Variants in TTBK1 observed in about 807,000 individuals in gnomAD.
TTBK1 encodes the protein tau tubulin kinase 1.
In TTBK1, 34 loss-of-function variants were observed where a neutral mutation model predicts 108.5. The observed-to-expected ratio is 0.31, with a 90% confidence interval of 0.24 to 0.42. TTBK1 has a LOEUF of 0.42. TTBK1 is among the 10% of genes least tolerant of loss of function. The pLI is 1.00. For missense variants in TTBK1, 1,539 were observed against 1,826.0 expected (o/e 0.84, Z 2.86); for synonymous variants, 809 against 795.1 (o/e 1.02, Z -0.29).
At chr6:43,271,681 G>A in intron 13 of TTBK1, 1 of 985,358 alleles carries the variant, frequency 1.0e-6, no homozygotes, top group Non-Finnish European at 1.2e-6. Flanking sequence ...GGCCACCATT[G>A]TGGTATGGCT....
rs1778385530 is a variant in TTBK1 at position 43,286,469 on chromosome 6, C to T, written c.*1093C>T. On this transcript the variant is annotated 3_prime_UTR_variant, in exon 15 of 15. Transcript: ENST00000259750. The surrounding 1 kb of genome is among the most constrained non-coding windows in gnomAD (Gnocchi z 4.6). Reference sequence around the variant, plus strand: ...GTTCTGGTGGGGTCACCCTCCCTGTCCTCCCGCCTGTGGGAGGGAGGGAGG... The same window carrying T: ...GTTCTGGTGGGGTCACCCTCCCTGTTCTCCCGCCTGTGGGAGGGAGGGAGG... 1 of 152,626 alleles carries T rather than the reference C, an allele frequency of 6.6e-6. No individual in the cohort carries two copies. Among genetic ancestry groups the T allele is most frequent in the South Asian group, 2.1e-4 (1 of 4,830 alleles). 9.5% of individuals were successfully genotyped at this position (152,626 alleles called of 1,614,324 possible).
intron 13 of TTBK1, among the ~76,000 whole-genome samples, chr6:43,278,619 C>T (rs1778070680): frequency 6.6e-6 from 1 of 152,118 alleles, no homozygotes; most frequent in Non-Finnish European, 1.5e-5. Flanking sequence ...AGGTTGCTGC[C>T]CTGAGAAGGA....
rs1337699708 is a variant in TTBK1, at chr6:43,273,919, C to T, written c.1987-8808C>T. On this transcript the variant is annotated intron_variant, in intron 13 of 14. Coordinates refer to ENST00000259750, the MANE Select transcript of TTBK1 (RefSeq NM_032538.3). This position sits in a 1 kb window ranked among gnomAD's most constrained non-coding sequence, Gnocchi z 4.2. ...TGTCCAGGGCTGCAGCACTCAAAGG[C>T]GACAGTGTTCTTGCCCAGGAACTCG... 6.6e-6 allele frequency among the ~76,000 whole-genome samples: 1 copy of T among 152,192 alleles called. No individual in the cohort carries two copies. The highest frequency in any genetic ancestry group is 2.4e-5 in the African/African-American group (1 of 41,454).
In TTBK1 at chr6:43,282,836, C is replaced by T. The variant is rs995548054; in HGVS notation, c.2096C>T (p.Ala699Val). The change falls in exon 14 of 15, where the codon GCG becomes GTG. Residue 699 changes from alanine to valine, a missense_variant. By Grantham distance (64) the Ala-to-Val change is moderately conservative (BLOSUM62 0). Transcript: ENST00000259750. This position sits in a 1 kb window ranked among gnomAD's most constrained non-coding sequence, Gnocchi z 5.4. ...GACCTCTCCGATTACCGAGAACGGG[C>T]GCGGTTGCTCAACAGGGTCCGGAGG... ...KRDLSDYRER[A>V]RLLNRVRRVG... 15 of 1,614,006 alleles carry T rather than the reference C, an allele frequency of 9.3e-6. No homozygotes were observed. The highest frequency in any genetic ancestry group is 4.0e-5 in the African/African-American group (3 of 74,964).
At chr6:43,271,286 G>A (rs747040628) in intron 13 of TTBK1, 905 of 985,362 alleles carry the variant, frequency 9.2e-4, no homozygotes, top group Non-Finnish European at 1.0e-3. Context: ...GCATAAGAGT[G>A]TGCTTACGAA....
chr6:43,268,931 G>A (rs770453245), intron 13 of TTBK1, among the ~76,000 whole-genome samples: 57 of 152,330 alleles, frequency 3.7e-4, no homozygotes, highest in South Asian at 8.3e-4. Context: ...GCTGTTCCAA[G>A]TACTGCACAT....
At chr6:43,275,011 G>A (rs972982326) in intron 13 of TTBK1, among the ~76,000 whole-genome samples, 1 of 152,136 alleles carries the variant, frequency 6.6e-6, no homozygotes, top group Non-Finnish European at 1.5e-5. Context: ...GGCTGTGGGG[G>A]TGCGGGCAGT....
chr6:43,260,683 G>C (rs1389270059), intron 12 of TTBK1, among the ~76,000 whole-genome samples: 1 of 152,176 alleles, frequency 6.6e-6, no homozygotes, highest in East Asian at 1.9e-4. Context: ...GAAATGCCTT[G>C]AATGAGACAG....
Position 43,286,284 on chromosome 6 carries a change from T to A in TTBK1, c.*908T>A, listed in dbSNP as rs921975807. ...TACTCCCTCCCCTGTTCCCCTGATC[T>A]AGTGCTCAGGACCCTTCACCATCAG... On this transcript the variant is annotated 3_prime_UTR_variant, in exon 15 of 15. Coordinates refer to ENST00000259750, the MANE Select transcript of TTBK1 (RefSeq NM_032538.3). The surrounding 1 kb of genome is among the most constrained non-coding windows in gnomAD (Gnocchi z 4.6). 3 of 152,676 alleles carry A rather than the reference T, an allele frequency of 2.0e-5. No individual in the cohort carries two copies. The highest frequency in any genetic ancestry group is 2.9e-5 in the Non-Finnish European group (2 of 68,076). 9.5% of individuals were successfully genotyped at this position (152,676 alleles called of 1,614,324 possible).
Position 43,248,491 on chromosome 6 carries a change from G to C in TTBK1, c.108+1723G>C, listed in dbSNP as rs141635301. ...TAATCCCAGCACTTTGGGAGGTTGA[G>C]GTGGGAGGATCACTTGGGGTCACGA... On this transcript the variant is annotated intron_variant, in intron 2 of 14. Coordinates refer to ENST00000259750, the MANE Select transcript of TTBK1 (RefSeq NM_032538.3). 3.7e-3 allele frequency among the ~76,000 whole-genome samples: 568 copies of C among 152,344 alleles called. 6 individuals carry two copies. The highest frequency in any genetic ancestry group is 0.013 in the African/African-American group (555 of 41,572).
At chr6:43,271,496 T>C (rs1777833811) in intron 13 of TTBK1, 2 of 985,322 alleles carry the variant, frequency 2.0e-6, no homozygotes, top group Non-Finnish European at 1.2e-6. Flanking sequence ...GTTTCCTATG[T>C]AGCTACTCTC....
chr6:43,255,561 C>A lies in TTBK1; in HGVS notation c.652C>A (p.Arg218Ser). The A allele has an allele frequency of 6.2e-7, 1 of 1,606,034 alleles. No individual in the cohort carries two copies. The part of the protein sequence containing the change: ...VNAHKNREMG[R>S]HDDLWSLFYM... ...CTCCCCCCACCTCCAGGAGATGGGC[C>A]GCCACGACGACCTGTGGTCCCTCTT... is the stretch of plus-strand genomic sequence containing the variant. Residue 218 changes from arginine (R) to serine (S), a missense_variant, in exon 8 of 15, where the codon CGC (arginine) becomes AGC (serine). By Grantham distance (110) the Arg-to-Ser change is moderately radical. This residue lies in a region of TTBK1 where 155 missense variants were observed against 348.5 expected (regional missense o/e 0.44). Coordinates refer to ENST00000259750, the MANE Select transcript of TTBK1 (RefSeq NM_032538.3).
Position 43,283,855 on chromosome 6 carries a change from A to AC in TTBK1, c.3117dup (p.Ile1040HisfsTer23). The stretch of plus-strand genomic sequence containing the variant: ...GGAGCCAAGCCCTGAGAAAGTGGCC[A>AC]CCATCTCCCCCAGACGCCATGCTAT... On this transcript the variant is annotated frameshift_variant, in exon 14 of 15. Transcript: ENST00000259750. LOFTEE classifies it high-confidence loss of function. The surrounding 1 kb of genome is among the most constrained non-coding windows in gnomAD (Gnocchi z 8.1). 6.2e-7 allele frequency: 1 copy of AC among 1,609,866 alleles called. No individual in the cohort carries two copies. The highest frequency in any genetic ancestry group is 2.2e-5 in the East Asian group (1 of 44,740).
At chr6:43,250,330 G>T (rs971351279) in intron 2 of TTBK1, among the ~76,000 whole-genome samples, 1 of 143,644 alleles carries the variant, frequency 7.0e-6, no homozygotes, top group South Asian at 2.3e-4. Context: ...GGGTTTAAAT[G>T]AAAACTGCCT....
Position 43,283,575 on chromosome 6 carries a change from T to C in TTBK1, c.2835T>C (p.Gly945=), listed in dbSNP as rs973280287. The change falls in exon 14 of 15, where the codon GGT becomes GGC. Residue 945 remains glycine, a synonymous_variant. Transcript: ENST00000259750. This position sits in a 1 kb window ranked among gnomAD's most constrained non-coding sequence, Gnocchi z 8.1. ...CCCACCTCAACGTCATGTCTTCCGGTGGACAAGCCTTGCGGTCTGAGGAGT... is the reference window on the plus strand; with the variant it reads ...CCCACCTCAACGTCATGTCTTCCGGCGGACAAGCCTTGCGGTCTGAGGAGT... The part of the protein sequence containing the change: ...EKTHLNVMSS[G]GQALRSEEFS... 1.2e-6 allele frequency: 2 copies of C among 1,613,988 alleles called. No homozygotes were observed. Among genetic ancestry groups the C allele is most frequent in the Admixed American group, 1.7e-5 (1 of 60,004 alleles).
intron 12 of TTBK1, among the ~76,000 whole-genome samples, chr6:43,262,221 T>G (rs1777560301): frequency 6.6e-6 from 1 of 152,006 alleles, no homozygotes; most frequent in African/African-American, 2.4e-5. Flanking sequence ...AATGTGGACT[T>G]TGTTGTTGGG....
In TTBK1 at chr6:43,269,873, C is replaced by A; in HGVS notation, c.1986+6523C>A. 5 of 1,531,396 alleles carry A rather than the reference C, an allele frequency of 3.3e-6. No homozygotes were observed. The highest frequency in any genetic ancestry group is 4.4e-6 in the Non-Finnish European group (5 of 1,144,040). 94.9% of individuals were successfully genotyped at this position (1,531,396 alleles called of 1,614,324 possible). A position where few individuals can be genotyped will look rare whatever the true frequency, so the allele number is the denominator to read the frequency against. ...ACGCGCCCCTCGCTGCTGGCAACCA[C>A]AGACTCATGCCCTCGGTGCTCCGCA... On this transcript the variant is annotated intron_variant, in intron 13 of 14. Transcript: ENST00000259750. The surrounding 1 kb of genome is among the most constrained non-coding windows in gnomAD (Gnocchi z 4.8).
intron 9 of TTBK1, among the ~76,000 whole-genome samples, chr6:43,256,081 T>C (rs1162109336): frequency 1.3e-5 from 2 of 152,092 alleles, no homozygotes; most frequent in African/African-American, 4.8e-5. Context: ...CATTCACTCA[T>C]TTAAGCTTCC....
At chr6:43,277,469 A>G (rs1317259920) in intron 13 of TTBK1, among the ~76,000 whole-genome samples, 1 of 152,168 alleles carries the variant, frequency 6.6e-6, no homozygotes, top group Non-Finnish European at 1.5e-5. Context: ...AGAAAGGCAA[A>G]GGGGCAAGCT....
Sources: allele counts gnomAD v4.1 joint callset (sites outside exome capture counted in the v4.1 genomes callset), GRCh38; gene constraint gnomAD v4.1.1; regional missense constraint gnomAD v4.1.1; non-coding constraint Gnocchi (gnomAD v3.1); transcripts MANE v1.5; gene names NCBI Gene and HGNC (gene_info 2026-07-23, HGNC 2026-07-21).